FASTKD2: variants seen among roughly 807,000 people sequenced by gnomAD.
The protein encoded by FASTKD2 is FAST kinase domains 2, also known as FAST kinase domain-containing protein 2, mitochondrial.
A neutral mutation model predicts 63.6 loss-of-function variants in FASTKD2; 51 were observed. The ratio of observed to expected loss-of-function variants is 0.80; its 90% CI spans 0.64 to 1.01. The LOEUF (loss-of-function observed/expected upper bound fraction) is 1.01, where lower values mean the gene tolerates loss of function less well. Ranked by LOEUF, FASTKD2 falls within the 50% of genes least tolerant of loss-of-function variation. The pLI is 0.00. For missense variants in FASTKD2, 786 were observed against 831.1 expected, an observed-to-expected ratio of 0.95 and a Z score of 0.67; for synonymous variants, 284 against 293.4, an observed-to-expected ratio of 0.97 and a Z score of 0.33.
intron 2 of FASTKD2, among the ~76,000 whole-genome samples, chr2:206,769,382 C>G (rs559225671): frequency 6.6e-6 from 1 of 152,204 alleles, no homozygotes; most frequent in Non-Finnish European, 1.5e-5. Context: ...TAAGTTTCCT[C>G]AGATGTGATT....
rs774025437 is a variant in FASTKD2, at chr2:206,767,085, A to G, written c.392A>G (p.Lys131Arg). The change falls in exon 2 of 12, where the codon AAG becomes AGG. Residue 131 changes from lysine to arginine, a missense_variant. Transcript: ENST00000402774. ...GTTGATAAATCTGATGATGAATTGAAGAAAGTAAACCTTAATCATGAAGTC... is the reference window on the plus strand; with the variant it reads ...GTTGATAAATCTGATGATGAATTGAGGAAAGTAAACCTTAATCATGAAGTC... Reference protein sequence around the residue: ...VPVDKSDDELKKVNLNHEVSN... With the variant: ...VPVDKSDDELRKVNLNHEVSN... 4.3e-6 allele frequency: 7 copies of G among 1,614,180 alleles called. 1 individual carries two copies. The Admixed American group carries it at 1.0e-4, about 23-fold the overall frequency.
chr2:206,784,916 G>T (rs1690096281), intron 7 of FASTKD2, among the ~76,000 whole-genome samples: 1 of 152,222 alleles, frequency 6.6e-6, no homozygotes, highest in Admixed American at 6.5e-5. Flanking sequence ...GTTAAATATA[G>T]CATGAAAATT....
At chr2:206,768,414 T>A (rs1689582441) in intron 2 of FASTKD2, among the ~76,000 whole-genome samples, 1 of 152,126 alleles carries the variant, frequency 6.6e-6, no homozygotes, top group African/African-American at 2.4e-5. Context: ...ATGAAGTAAT[T>A]TCTTAGCCAG....
chr2:206,786,735 AG>A lies in FASTKD2; in HGVS notation c.1431del (p.Gln477HisfsTer10). The A allele has an allele frequency of 6.2e-7, 1 of 1,613,786 alleles. No individual in the cohort carries two copies. Among genetic ancestry groups the A allele is most frequent in the Non-Finnish European group, 8.5e-7 (1 of 1,179,688 alleles). On this transcript the variant is annotated frameshift_variant, in exon 8 of 12. Transcript: ENST00000402774. LOFTEE classifies it high-confidence loss of function. Reference protein sequence around the residue: ...NHVYKCQNKEQFVEVMASALT... With the variant: ...NHVYKCQNKEXFVEVMASALT... ...ACTGACTTTTCTTTGTTCCCCAGAC[AG>A]TTCGTGGAAGTTATGGCTAGTGCTC...
chr2:206,778,862 G>T (rs1689892238), intron 7 of FASTKD2, among the ~76,000 whole-genome samples: 1 of 152,080 alleles, frequency 6.6e-6, no homozygotes, highest in Non-Finnish European at 1.5e-5. Flanking sequence ...TAGGTTGCGT[G>T]CTCCTTATGA....
intron 2 of FASTKD2, among the ~76,000 whole-genome samples, chr2:206,768,761 C>T (rs904391059): frequency 6.6e-6 from 1 of 152,104 alleles, no homozygotes; most frequent in South Asian, 2.1e-4. Context: ...GGCATATATC[C>T]TGTCTTGCTA....
rs1482296198 is a variant in FASTKD2 at position 206,795,605 on chromosome 2, C to CA, written c.*3810dup. On this transcript the variant is annotated 3_prime_UTR_variant, in exon 12 of 12. Transcript: ENST00000402774. ...GTGTGCCGTGACTCACTGGTGGATC[C>CA]AAAAAAAGCTGAAGCCTACATTTCC... 6.6e-6 allele frequency among the ~76,000 whole-genome samples: 1 copy of CA among 151,984 alleles called. No individual in the cohort carries two copies. Among genetic ancestry groups the CA allele is most frequent in the African/African-American group, 2.4e-5 (1 of 41,380 alleles).
In FASTKD2 at chr2:206,795,145, C is replaced by T. The variant is rs952397331; in HGVS notation, c.*3343C>T. Among the ~76,000 whole-genome samples the T allele has an allele frequency of 6.6e-6, 1 of 152,228 alleles. No homozygotes were observed. The highest frequency in any genetic ancestry group is 2.4e-5 in the African/African-American group (1 of 41,462). On this transcript the variant is annotated 3_prime_UTR_variant, in exon 12 of 12. Transcript: ENST00000402774. The stretch of plus-strand genomic sequence containing the variant: ...GCCTGAGAGGTGGACCATCAGACTC[C>T]ACCCTGTTTTGCGCTGACTTGTAGG...
At chr2:206,774,030 A>G (rs533050838) in intron 6 of FASTKD2, among the ~76,000 whole-genome samples, 195 bp from the exon 7 acceptor site, 1 of 152,256 alleles carries the variant, frequency 6.6e-6, no homozygotes, top group Non-Finnish European at 1.5e-5. Flanking sequence ...TTAACTTGAT[A>G]CCCAATTCAA....
chr2:206,772,957 A>G (rs541285927), intron 6 of FASTKD2, among the ~76,000 whole-genome samples: 3 of 152,288 alleles, frequency 2.0e-5, no homozygotes, highest in African/African-American at 7.2e-5. Flanking sequence ...CAATCTGTAT[A>G]CTATTCTATC....
chr2:206,787,238 TTA>T (rs1491164129), intron 8 of FASTKD2, among the ~76,000 whole-genome samples: 2 of 152,226 alleles, frequency 1.3e-5, no homozygotes, highest in Non-Finnish European at 2.9e-5. Flanking sequence ...TAATCCTTAC[TTA>T]TCACATTTGA....
At chr2:206,773,799 G>A (rs1007538534) in intron 6 of FASTKD2, among the ~76,000 whole-genome samples, 1 of 152,194 alleles carries the variant, frequency 6.6e-6, no homozygotes, top group East Asian at 1.9e-4. Flanking sequence ...AAATTTTGGG[G>A]TTATGTCTTA....
rs1167398362 is a variant in FASTKD2, at chr2:206,794,444, T to C, written c.*2642T>C. On this transcript the variant is annotated 3_prime_UTR_variant, in exon 12 of 12. Transcript: ENST00000402774. ...TTTTTAAAGATGGGGCCCTGCTATG[T>C]TACCCAGGCTAGCTTCAAACTCCTG... 2.0e-5 allele frequency among the ~76,000 whole-genome samples: 3 copies of C among 152,166 alleles called. No individual in the cohort carries two copies. Among genetic ancestry groups the C allele is most frequent in the South Asian group, 4.1e-4 (2 of 4,832 alleles).
chr2:206,795,503 G>A lies in FASTKD2; in HGVS notation c.*3701G>A, dbSNP rs1690425066. On this transcript the variant is annotated 3_prime_UTR_variant, in exon 12 of 12. Coordinates refer to ENST00000402774, the MANE Select transcript of FASTKD2 (RefSeq NM_001136193.2). ...CGCCTTTGGCCTTCCAAAGTGCTGG[G>A]ATTATAGGCGTGAGCCACCACCCCC... 6.6e-6 allele frequency among the ~76,000 whole-genome samples: 1 copy of A among 152,212 alleles called. No individual in the cohort carries two copies. Among genetic ancestry groups the A allele is most frequent in the African/African-American group, 2.4e-5 (1 of 41,442 alleles).
At chr2:206,770,846 G>C (rs1245305176) in intron 3 of FASTKD2, among the ~76,000 whole-genome samples, 1 of 152,006 alleles carries the variant, frequency 6.6e-6, no homozygotes, top group Non-Finnish European at 1.5e-5. Context: ...AGCTTGAAAA[G>C]GGATTTATAA....
intron 7 of FASTKD2, among the ~76,000 whole-genome samples, chr2:206,786,015 TTC>T (rs1690128375): frequency 6.6e-6 from 1 of 152,230 alleles, no homozygotes; most frequent in Non-Finnish European, 1.5e-5. Flanking sequence ...TCCCAAAAGC[TTC>T]TGTTTATTTT....
chr2:206,789,154 A>G (rs1175695051), intron 10 of FASTKD2: 2 of 456,692 alleles, frequency 4.4e-6, no homozygotes, highest in East Asian at 4.1e-5. Context: ...TTTTGAAGCT[A>G]TAGTTCAATA....
rs994917847 is a variant in FASTKD2 at position 206,771,975 on chromosome 2, C to T, written c.1072C>T (p.Arg358Ter). 8 of 1,613,210 alleles carry T rather than the reference C, an allele frequency of 5.0e-6. No individual in the cohort carries two copies. Among genetic ancestry groups the T allele is most frequent in the South Asian group, 2.2e-5 (2 of 91,056 alleles). The change falls in exon 5 of 12, where the codon CGA (arginine) becomes TGA (stop). Residue 358 changes from arginine to a stop codon, truncating the protein, a stop_gained. Transcript: ENST00000402774. LOFTEE classifies it high-confidence loss of function. The part of the protein sequence containing the change: ...MFEVLAAMNH[R>*]SLILLDECSK... ...TGAAGTACTAGCTGCCATGAATCAC[C>T]GATCTCTTATACTCCTGGATGAATG...
At chr2:206,783,725 T>G (rs1332599164) in intron 7 of FASTKD2, among the ~76,000 whole-genome samples, 1 of 152,154 alleles carries the variant, frequency 6.6e-6, no homozygotes, top group Non-Finnish European at 1.5e-5. Flanking sequence ...GGGAGGACAT[T>G]TAATAAAATG....
Sources: gnomAD v4.1 joint callset for allele counts (sites outside exome capture counted in the v4.1 genomes callset) on GRCh38, gnomAD v4.1.1 for gene constraint, MANE v1.5 for transcripts, NCBI Gene and HGNC (gene_info 2026-07-23, HGNC 2026-07-21) for gene names.